Variants in KRT33B observed in about 807,000 individuals in gnomAD.
KRT33B encodes the protein keratin 33B, also known as keratin, type I cuticular Ha3-II.
A neutral mutation model predicts 42.7 loss-of-function variants in KRT33B; 37 were observed. The observed-to-expected ratio is 0.87, with a 90% CI of 0.67 to 1.14. The LOEUF is 1.14. KRT33B is among the 50% of genes most tolerant of loss of function. The probability of loss-of-function intolerance (pLI) is 0.00; values close to 1 mark genes in which losing one functional copy is unlikely to be tolerated. For synonymous variants in KRT33B, 237 were observed against 221.2 expected (o/e 1.07, Z -0.63); for missense variants, 523 against 515.1 (o/e 1.02, Z -0.15).
chr17:41,369,145 G>C (rs2017741830), intron 1 of KRT33B, among the ~76,000 whole-genome samples: 1 of 151,256 alleles, frequency 6.6e-6, no homozygotes, highest in South Asian at 2.1e-4. Context: ...CAGATATTCT[G>C]GTTTGGAGTA....
Position 41,363,825 on chromosome 17 carries a change from C to T in KRT33B, c.*11G>A, listed in dbSNP as rs1158272565. ...TGTCTTCATGCTATACTTCTGCTGG[C>T]CCCAGGGTATCTAGTACCCAAAGGT... On this transcript the variant is annotated 3_prime_UTR_variant, in exon 7 of 7. Transcript: ENST00000251646. 6 of 1,560,864 alleles carry T rather than the reference C, an allele frequency of 3.8e-6. No homozygotes were observed. The highest frequency in any genetic ancestry group is 1.1e-5 in the South Asian group (1 of 87,676).
At position 41,365,358 on chromosome 17, in the gene KRT33B, C is replaced by T. The variant is rs374090545; in HGVS notation, c.750+34G>A. ...CTGCCTCCGGGGCCCTGGGGGGCCT[C>T]GGGTCCTGAGTGGCCACGTGCTTAG... On this transcript the variant is annotated intron_variant, in intron 4 of 6. Transcript: ENST00000251646. 9.1e-5 allele frequency: 147 copies of T among 1,609,358 alleles called. 1 individual carries two copies. Among genetic ancestry groups the T allele is most frequent in the East Asian group, 4.7e-4 (21 of 44,822 alleles).
intron 2 of KRT33B, among the ~76,000 whole-genome samples, chr17:41,367,182 A>G (rs1042460941): frequency 2.0e-5 from 3 of 151,452 alleles, no homozygotes; most frequent in Admixed American, 1.3e-4. Context: ...AGATCCCAGG[A>G]AAATGCAAAG....
chr17:41,365,430 T>C lies in KRT33B; in HGVS notation c.712A>G (p.Thr238Ala). 6.2e-7 allele frequency: 1 copy of C among 1,612,786 alleles called. No individual in the cohort carries two copies. The highest frequency in any genetic ancestry group is 8.5e-7 in the Non-Finnish European group (1 of 1,179,956). Residue 238 changes from threonine to alanine, a missense_variant, in exon 4 of 7, where the codon ACC becomes GCC. Transcript: ENST00000251646. Reference sequence around the variant, plus strand: ...CATTGCTCCACTTCCCTGCGGTTGGTTTCCACCAGGGCCTCATACTGATTC... The same window carrying C: ...CATTGCTCCACTTCCCTGCGGTTGGCTTCCACCAGGGCCTCATACTGATTC... ...TRNQYEALVE[T>A]NRREVEQWFA...
rs1430683222 is a variant in KRT33B at position 41,363,746 on chromosome 17, G to A, written c.*90C>T. On this transcript the variant is annotated 3_prime_UTR_variant, in exon 7 of 7. Coordinates refer to ENST00000251646, the MANE Select transcript of KRT33B (RefSeq NM_002279.5). Reference sequence around the variant, plus strand: ...ATTTGTGGTGATGCCTCGGGGTGGGGTCCGGTGGCTGATGGTTGTCAGAGA... The same window carrying A: ...ATTTGTGGTGATGCCTCGGGGTGGGATCCGGTGGCTGATGGTTGTCAGAGA... 3.6e-6 allele frequency: 3 copies of A among 834,200 alleles called. No individual in the cohort carries two copies. The highest frequency in any genetic ancestry group is 1.9e-5 in the Admixed American group (1 of 52,212). 51.7% of individuals were successfully genotyped at this position (834,200 alleles called of 1,614,324 possible).
chr17:41,363,830 G>T lies in KRT33B; in HGVS notation c.*6C>A. On this transcript the variant is annotated 3_prime_UTR_variant, in exon 7 of 7. Transcript: ENST00000251646. ...TCATGCTATACTTCTGCTGGCCCCA[G>T]GGTATCTAGTACCCAAAGGTGTTGC... 6.4e-7 allele frequency: 1 copy of T among 1,573,886 alleles called. No individual in the cohort carries two copies.
chr17:41,368,680 C>G (rs2017734430), intron 1 of KRT33B, among the ~76,000 whole-genome samples: 1 of 151,290 alleles, frequency 6.6e-6, no homozygotes, highest in Non-Finnish European at 1.5e-5. Context: ...TTTCTGGCAT[C>G]TAATTTTCCA....
chr17:41,364,625 G>A (rs2017669394), intron 6 of KRT33B, among the ~76,000 whole-genome samples, 154 bp downstream of exon 6: 1 of 151,434 alleles, frequency 6.6e-6, no homozygotes, highest in Non-Finnish European at 1.5e-5. Context: ...GATAATGTTA[G>A]CAACAAATAT....
In KRT33B at chr17:41,369,486, G is replaced by A. The variant is rs371896942; in HGVS notation, c.265C>T (p.Arg89Trp). 2.0e-5 allele frequency: 33 copies of A among 1,613,744 alleles called. No individual in the cohort carries two copies. The highest frequency in any genetic ancestry group is 4.5e-5 in the East Asian group (2 of 44,896). ...GGCTCCTGCTGCTGAGACCGCTCCCGGATGAGGTTCTCCAGCTCCGCGTTG... is the reference window on the plus strand; with the variant it reads ...GGCTCCTGCTGCTGAGACCGCTCCCAGATGAGGTTCTCCAGCTCCGCGTTG... ...RDNAELENLI[R>W]ERSQQQEPLL... The change falls in exon 1 of 7, where the codon CGG becomes TGG. Residue 89 changes from arginine to tryptophan, a missense_variant. Transcript: ENST00000251646.
At chr17:41,368,656 A>G (rs973356917) in intron 1 of KRT33B, among the ~76,000 whole-genome samples, 10 of 151,350 alleles carry the variant, frequency 6.6e-5, no homozygotes, top group Non-Finnish European at 1.5e-4. Flanking sequence ...ATGATATTCA[A>G]ATAGCACAAC....
At position 41,363,874 on chromosome 17, in the gene KRT33B, G is replaced by A. The variant is rs202226873; in HGVS notation, c.1177C>T (p.Arg393Cys). 9.3e-6 allele frequency: 15 copies of A among 1,611,452 alleles called. 2 individuals are homozygous for A. In the African/African-American group the frequency reaches 1.1e-4, roughly 12 times the overall value. The part of the protein sequence containing the change: ...GSCVTNPCGP[R>C]SRCGPCNTFG... ...GTGTTGCAAGGCCCACAGCGGGAAC[G>A]AGGACCACAAGGATTGGTGACACAG... Residue 393 changes from arginine (R) to cysteine (C), a missense_variant, in exon 7 of 7, where the codon CGT becomes TGT. Coordinates refer to ENST00000251646, the MANE Select transcript of KRT33B (RefSeq NM_002279.5).
At position 41,369,680 on chromosome 17, in the gene KRT33B, G is replaced by A. The variant is rs1276245120; in HGVS notation, c.71C>T (p.Pro24Leu). 5 of 1,613,974 alleles carry A rather than the reference G, an allele frequency of 3.1e-6. No homozygotes were observed. The highest frequency in any genetic ancestry group is 2.2e-5 in the East Asian group (1 of 44,884). The change falls in exon 1 of 7, where the codon CCC becomes CTC. Residue 24 changes from proline (P) to leucine (L), a missense_variant. Transcript: ENST00000251646. ...TSCSSRPCVP[P>L]SCHGYTLPGA... ...GGGCAGGGTGTAGCCGTGGCAGCTG[G>A]GGGGCACACAGGGCCGGGAGGAGCA...
Position 41,363,748 on chromosome 17 carries a change from C to T in KRT33B, c.*88G>A. 2.3e-6 allele frequency: 2 copies of T among 851,246 alleles called. No individual in the cohort carries two copies. The highest frequency in any genetic ancestry group is 3.9e-6 in the Non-Finnish European group (2 of 518,702). The allele number at this position is 851,246 out of a possible 1,614,324, so 52.7% of individuals were successfully genotyped here. On this transcript the variant is annotated 3_prime_UTR_variant, in exon 7 of 7. Transcript: ENST00000251646. The stretch of plus-strand genomic sequence containing the variant: ...TTGTGGTGATGCCTCGGGGTGGGGT[C>T]CGGTGGCTGATGGTTGTCAGAGAGG...
rs148976470 is a variant in KRT33B at position 41,365,851 on chromosome 17, T to C, written c.589-298A>G. Reference sequence around the variant, plus strand: ...GGCATGATAATTGGCTTACAATTGTTGCTACTTAAATATAGAGAAACCAGG... The same window carrying C: ...GGCATGATAATTGGCTTACAATTGTCGCTACTTAAATATAGAGAAACCAGG... On this transcript the variant is annotated intron_variant, in intron 3 of 6. Transcript: ENST00000251646. Among the ~76,000 whole-genome samples the C allele has an allele frequency of 5.9e-4, 89 of 151,546 alleles. 3 individuals are homozygous for C. The highest frequency in any genetic ancestry group is 1.9e-3 in the African/African-American group (77 of 40,788).
At position 41,369,623 on chromosome 17, in the gene KRT33B, T is replaced by C. The variant is rs765291019; in HGVS notation, c.128A>G (p.Asn43Ser). The change falls in exon 1 of 7, where the codon AAC becomes AGC. Residue 43 changes from asparagine to serine, a missense_variant. Coordinates refer to ENST00000251646, the MANE Select transcript of KRT33B (RefSeq NM_002279.5). ...GGAGCCCTCGCAGAACCAGTTGCAG[T>C]TGCTCACATTGGCAGGGATGTTGCA... ...GACNIPANVS[N>S]CNWFCEGSFN... 1 of 1,613,656 alleles carries C rather than the reference T, an allele frequency of 6.2e-7. No individual in the cohort carries two copies. Among genetic ancestry groups the C allele is most frequent in the South Asian group, 1.1e-5 (1 of 91,064 alleles).
rs750233520 is a variant in KRT33B, at chr17:41,366,626, C to A, written c.432G>T (p.Lys144Asn). ...GCCGCAGGGACTGCTCCGTCTGGTA[C>A]CTGCACACACAGCCAGAGGTCAAAA... Reference protein sequence around the residue: ...AKLAADDFRTKYQTEQSLRQL... With the variant: ...AKLAADDFRTNYQTEQSLRQL... The change falls in exon 3 of 7, where the codon AAG becomes AAT. Residue 144 changes from lysine (K) to asparagine (N), a missense_variant and splice_region_variant. Coordinates refer to ENST00000251646, the MANE Select transcript of KRT33B (RefSeq NM_002279.5). The A allele has an allele frequency of 6.2e-7, 1 of 1,602,156 alleles. No individual in the cohort carries two copies. The highest frequency in any genetic ancestry group is 1.7e-5 in the Admixed American group (1 of 57,540).
In KRT33B at chr17:41,366,644, G is replaced by A. The variant is rs747066931; in HGVS notation, c.432-18C>T. ...TCTGGTACCTGCACACACAGCCAGAGGTCAAAAGAGGTCCAAAAAAAAAAA... is the reference window on the plus strand; with the variant it reads ...TCTGGTACCTGCACACACAGCCAGAAGTCAAAAGAGGTCCAAAAAAAAAAA... On this transcript the variant is annotated intron_variant, in intron 2 of 6. Coordinates refer to ENST00000251646, the MANE Select transcript of KRT33B (RefSeq NM_002279.5). 6.5e-6 allele frequency: 10 copies of A among 1,546,364 alleles called. No individual in the cohort carries two copies. Among genetic ancestry groups the A allele is most frequent in the Non-Finnish European group, 8.7e-6 (10 of 1,149,886 alleles).
chr17:41,368,083 A>G, intron 1 of KRT33B, 93 bp from the exon 2 acceptor site: 1 of 1,227,416 alleles, frequency 8.1e-7, no homozygotes, highest in Non-Finnish European at 1.2e-6. Flanking sequence ...CATTCCTCCC[A>G]AATAGCTTTG....
Position 41,369,273 on chromosome 17 carries a change from T to C in KRT33B, c.348+130A>G, listed in dbSNP as rs572770422. 1.8e-5 allele frequency: 23 copies of C among 1,308,500 alleles called. No homozygotes were observed. In the South Asian group the frequency reaches 3.2e-4, roughly 18 times the overall value. The allele number at this position is 1,308,500 out of a possible 1,614,324, so 81.1% of individuals were successfully genotyped here. On this transcript the variant is annotated intron_variant, in intron 1 of 6. Transcript: ENST00000251646. Reference sequence around the variant, plus strand: ...TTCTAAGACTACTTGATGTCATACCTAAGCCAGTGAATCTATGTCTTTATC... The same window carrying C: ...TTCTAAGACTACTTGATGTCATACCCAAGCCAGTGAATCTATGTCTTTATC...
Sources: allele counts gnomAD v4.1 joint callset (sites outside exome capture counted in the v4.1 genomes callset), GRCh38; gene constraint gnomAD v4.1.1; transcripts MANE v1.5; gene names NCBI Gene and HGNC (gene_info 2026-07-23, HGNC 2026-07-21).